CDC14A: variants seen among roughly 807,000 people sequenced by gnomAD.
CDC14A encodes cell division cycle 14A.
Under a neutral mutation model 74.4 loss-of-function variants are expected in CDC14A, and 53 were observed. The observed-to-expected ratio is 0.71, with a 90% CI of 0.57 to 0.89. The LOEUF is 0.89. CDC14A is among the 40% of genes least tolerant of loss of function. The pLI is 0.00. For synonymous variants in CDC14A, 247 were observed against 258.4 expected (o/e 0.96, Z 0.43); for missense variants, 646 against 713.7 (o/e 0.91, Z 1.08).
intron 15 of CDC14A, among the ~76,000 whole-genome samples, chr1:100,500,789 A>G: frequency 2.3e-5 from 3 of 129,308 alleles, no homozygotes; most frequent in East Asian, 4.8e-4. Context: ...GAGGATGAGG[A>G]TGTTTTCTAA....
chr1:100,439,953 C>T lies in CDC14A; in HGVS notation c.411C>T (p.Cys137=), dbSNP rs143873406. Residue 137 remains cysteine, a synonymous_variant, in exon 6 of 16, where the codon TGC becomes TGT. Coordinates refer to ENST00000336454, the MANE Select transcript of CDC14A (RefSeq NM_003672.4). ...ATAGGGATGCTTCCTTTGGAAATTG[C>T]ACTTACAATCTCACCATTCTCGACT... ...LPFRDASFGN[C]TYNLTILDCL... 3.7e-6 allele frequency: 6 copies of T among 1,612,678 alleles called. No individual in the cohort carries two copies. In the African/African-American group the frequency reaches 8.0e-5, roughly 22 times the overall value.
At chr1:100,394,221 C>A (rs1658147263) in intron 4 of CDC14A, among the ~76,000 whole-genome samples, 1 of 152,086 alleles carries the variant, frequency 6.6e-6, no homozygotes, top group Non-Finnish European at 1.5e-5. Flanking sequence ...CTCAAGCGAT[C>A]CTCCTGCCTC....
intron 5 of CDC14A, among the ~76,000 whole-genome samples, chr1:100,430,656 C>T (rs527818650): frequency 1.2e-4 from 18 of 152,212 alleles, no homozygotes; most frequent in South Asian, 1.0e-3. Flanking sequence ...TGCTGGTAGA[C>T]GTTAGATGTA....
At chr1:100,372,740 A>G (rs1446320591) in intron 2 of CDC14A, among the ~76,000 whole-genome samples, 1 of 152,188 alleles carries the variant, frequency 6.6e-6, no homozygotes, top group East Asian at 1.9e-4. Flanking sequence ...ACATCTTTCA[A>G]ACTCCTGTGA....
At chr1:100,474,394 G>A (rs937163495) in intron 10 of CDC14A, among the ~76,000 whole-genome samples, 2 of 152,118 alleles carry the variant, frequency 1.3e-5, no homozygotes, top group African/African-American at 2.4e-5. Context: ...GGAAGAGATT[G>A]TGAGAGCTGG....
chr1:100,487,113 G>A (rs1223673185), intron 11 of CDC14A, among the ~76,000 whole-genome samples: 1 of 152,128 alleles, frequency 6.6e-6, no homozygotes, highest in African/African-American at 2.4e-5. Flanking sequence ...TATATAGAAA[G>A]TGCAAAAAGG....
intron 15 of CDC14A, among the ~76,000 whole-genome samples, chr1:100,499,875 G>A (rs1457868563): frequency 2.6e-5 from 4 of 152,142 alleles, no homozygotes; most frequent in Non-Finnish European, 4.4e-5. Context: ...AGGTACCTGG[G>A]ATGCAAGGTG....
chr1:100,377,842 A>G (rs988601067), intron 3 of CDC14A, among the ~76,000 whole-genome samples: 1 of 152,220 alleles, frequency 6.6e-6, no homozygotes, highest in African/African-American at 2.4e-5. Flanking sequence ...TATGAGCTGA[A>G]TGAAGTCACT....
intron 12 of CDC14A, 52 bp from the exon 13 acceptor site, chr1:100,495,950 G>C: frequency 1.3e-6 from 2 of 1,493,610 alleles, no homozygotes; most frequent in Non-Finnish European, 1.9e-6. Context: ...TGTGGTCTTT[G>C]TGAAAACGTG....
chr1:100,464,571 T>G (rs1667614468), intron 9 of CDC14A, among the ~76,000 whole-genome samples: 1 of 152,238 alleles, frequency 6.6e-6, no homozygotes, highest in Admixed American at 6.5e-5. Context: ...AATCCTATCT[T>G]CTCTTTCAAA....
At chr1:100,466,598 TG>T (rs1001197777) in intron 9 of CDC14A, among the ~76,000 whole-genome samples, 1 of 151,110 alleles carries the variant, frequency 6.6e-6, no homozygotes, top group Admixed American at 6.6e-5. Flanking sequence ...TAGCCGGGAG[TG>T]GTGGCCCACG....
chr1:100,389,451 C>CAAA (rs111538330), intron 3 of CDC14A, among the ~76,000 whole-genome samples: 1 of 112,414 alleles, frequency 8.9e-6, no homozygotes, highest in African/African-American at 3.7e-5. Context: ...GAATCTGTCT[C>CAAA]AAAAAAAAAA....
intron 15 of CDC14A, among the ~76,000 whole-genome samples, chr1:100,505,396 T>G (rs144871649): frequency 3.2e-3 from 491 of 152,320 alleles, no homozygotes; most frequent in African/African-American, 0.011. Flanking sequence ...TCTTCTGTGT[T>G]CTAACATCAG....
chr1:100,386,875 A>G (rs935787404), intron 3 of CDC14A, among the ~76,000 whole-genome samples: 2 of 152,222 alleles, frequency 1.3e-5, no homozygotes, highest in African/African-American at 4.8e-5. Flanking sequence ...AAGAGAAGTT[A>G]ATGTTCCATA....
chr1:100,420,082 A>ATATATATATAGT (rs58124351), intron 4 of CDC14A, among the ~76,000 whole-genome samples: 3 of 105,524 alleles, frequency 2.8e-5, no homozygotes, highest in African/African-American at 1.0e-4. Flanking sequence ...ATATATATAT[A>ATATATATATAGT]GTGTGTATGT....
intron 11 of CDC14A, among the ~76,000 whole-genome samples, chr1:100,489,748 C>T (rs1270637997): frequency 6.6e-6 from 1 of 152,156 alleles, no homozygotes; most frequent in Admixed American, 6.5e-5. Context: ...GAGCAGACCC[C>T]TTTCCTGTGG....
At chr1:100,412,728 T>TATATATATATATATAAA (rs1557732405) in intron 4 of CDC14A, among the ~76,000 whole-genome samples, 82 of 98,136 alleles carry the variant, frequency 8.4e-4, no homozygotes, top group Non-Finnish European at 9.6e-4. Flanking sequence ...ATATATTTTA[T>TATATATATATATATAAA]ATATATATAT....
chr1:100,466,571 T>G (rs980464866), intron 9 of CDC14A, among the ~76,000 whole-genome samples: 2 of 151,990 alleles, frequency 1.3e-5, no homozygotes, highest in African/African-American at 4.8e-5. Context: ...TATGAATACT[T>G]CTTAAAAAGG....
intron 10 of CDC14A, among the ~76,000 whole-genome samples, chr1:100,469,548 A>G (rs1464364063): frequency 2.6e-5 from 4 of 152,290 alleles, no homozygotes; most frequent in East Asian, 3.9e-4. Context: ...TGTGCCATGT[A>G]TCTGCCAGGT....
Sources: allele counts gnomAD v4.1 joint callset (sites outside exome capture counted in the v4.1 genomes callset), GRCh38; gene constraint gnomAD v4.1.1; transcripts MANE v1.5; gene names NCBI Gene and HGNC (gene_info 2026-07-23, HGNC 2026-07-21).